Variants in C14orf132 observed in about 807,000 individuals in gnomAD.
C14orf132 encodes chromosome 14 open reading frame 132, also known as uncharacterized protein C14orf132.
In C14orf132, 6 loss-of-function variants were observed where a neutral mutation model predicts 5.8. The observed-to-expected ratio is 1.03, with a 90% CI of 0.57 to 2.04. The LOEUF is 2.04. Among genes scored for constraint, C14orf132 ranks in the 30% most tolerant of loss-of-function variants. C14orf132 has a pLI of 0.00. For missense variants in C14orf132, 125 were observed against 115.8 expected, an observed-to-expected ratio of 1.08 and a Z score of -0.37; for synonymous variants, 51 against 49.8, an observed-to-expected ratio of 1.02 and a Z score of -0.10.
intron 1 of C14orf132, among the ~76,000 whole-genome samples, chr14:96,079,048 G>A (rs1367916808): frequency 6.6e-6 from 1 of 152,192 alleles, no homozygotes; most frequent in Admixed American, 6.5e-5. Flanking sequence ...AGACCCAAAA[G>A]TGGAAAATGG....
chr14:96,042,742 C>A (rs896002181), intron 1 of C14orf132, among the ~76,000 whole-genome samples: 1 of 152,172 alleles, frequency 6.6e-6, no homozygotes, highest in Non-Finnish European at 1.5e-5. Context: ...AGGCTGCAGG[C>A]ACTGAGAGTG....
intron 1 of C14orf132, among the ~76,000 whole-genome samples, chr14:96,070,594 T>TCACACA (rs1360572735): frequency 9.1e-5 from 11 of 121,020 alleles, no homozygotes; most frequent in African/African-American, 2.6e-4. Flanking sequence ...TCTCTCTCTC[T>TCACACA]CTCACACACA....
chr14:96,080,818 C>G (rs980639288), intron 1 of C14orf132, among the ~76,000 whole-genome samples: 1 of 152,248 alleles, frequency 6.6e-6, no homozygotes, highest in South Asian at 2.1e-4. Flanking sequence ...TGCCCCGACA[C>G]TGCGGGGCAG....
At chr14:96,045,331 G>C (rs2139642017) in intron 1 of C14orf132, among the ~76,000 whole-genome samples, 1 of 152,346 alleles carries the variant, frequency 6.6e-6, no homozygotes, top group Middle Eastern at 3.4e-3. Context: ...GCAGACATAG[G>C]AGTGTGGGTG....
At chr14:96,067,125 G>T (rs1887555061) in intron 1 of C14orf132, among the ~76,000 whole-genome samples, 1 of 152,194 alleles carries the variant, frequency 6.6e-6, no homozygotes, top group African/African-American at 2.4e-5. Context: ...CCTTGCCCAG[G>T]TGCTGGGGTG....
In C14orf132 at chr14:96,039,785, G is replaced by A. The variant is rs1886636690; in HGVS notation, c.27+258G>A. On this transcript the variant is annotated intron_variant, in intron 1 of 1. Transcript: ENST00000555004. This position sits in a 1 kb window ranked among gnomAD's most constrained non-coding sequence, Gnocchi z 5.3. The stretch of plus-strand genomic sequence containing the variant: ...CCGCCCGGGCCCCTCTCGTTGGCAG[G>A]AAGGCTGCGAGGAGCCTGGGCAGCC... Among the ~76,000 whole-genome samples the A allele has an allele frequency of 6.6e-6, 1 of 152,214 alleles. No individual in the cohort carries two copies. Among genetic ancestry groups the A allele is most frequent in the African/African-American group, 2.4e-5 (1 of 41,464 alleles).
Position 96,090,287 on chromosome 14 carries a change from G to A in C14orf132, c.*3552G>A, listed in dbSNP as rs1888342571. 5.2e-6 allele frequency: 1 copy of A among 190,748 alleles called. No homozygotes were observed. The allele number at this position is 190,748 out of a possible 1,614,324, so 11.8% of individuals were successfully genotyped here. On this transcript the variant is annotated 3_prime_UTR_variant, in exon 2 of 2. Coordinates refer to ENST00000555004, the MANE Select transcript of C14orf132 (RefSeq NM_001252507.3). ...TGTGCCTGTAATCCCAGCTACTCAG[G>A]AGGCTGACACAGGAGAATTGCTTGA...
Position 96,088,245 on chromosome 14 carries a change from G to A in C14orf132, c.*1510G>A, listed in dbSNP as rs1342578132. On this transcript the variant is annotated 3_prime_UTR_variant, in exon 2 of 2. Coordinates refer to ENST00000555004, the MANE Select transcript of C14orf132 (RefSeq NM_001252507.3). ...GGCAAAGGGACATCTTAGTTGTCCAGAAGCGGCACTCTTCCCTGGAAGCCG... is the reference window on the plus strand; with the variant it reads ...GGCAAAGGGACATCTTAGTTGTCCAAAAGCGGCACTCTTCCCTGGAAGCCG... The A allele has an allele frequency of 6.6e-6, 1 of 152,184 alleles. No individual in the cohort carries two copies. Among genetic ancestry groups the A allele is most frequent in the Non-Finnish European group, 1.5e-5 (1 of 68,040 alleles). The allele number at this position is 152,184 out of a possible 1,614,324, so 9.4% of individuals were successfully genotyped here. A position where few individuals can be genotyped will look rare whatever the true frequency, so the allele number is the denominator to read the frequency against.
At chr14:96,069,199 A>G (rs1430557886) in intron 1 of C14orf132, among the ~76,000 whole-genome samples, 4 of 84,114 alleles carry the variant, frequency 4.8e-5, no homozygotes, top group South Asian at 4.0e-4. Flanking sequence ...ATATATGTAT[A>G]TATGTTATTG....
rs1261635307 is a variant in C14orf132, at chr14:96,086,582, C to T, written c.99C>T (p.Asn33=). The change falls in exon 2 of 2, where the codon AAC becomes AAT. Residue 33 remains asparagine, a synonymous_variant. Transcript: ENST00000555004. Reference sequence around the variant, plus strand: ...TCAGCACCGAGTACTCCCTGTTTAACTCCTCTGCCAATGTCCACGCGGCTG... The same window carrying T: ...TCAGCACCGAGTACTCCCTGTTTAATTCCTCTGCCAATGTCCACGCGGCTG... The part of the protein sequence containing the change: ...EDFSTEYSLF[N]SSANVHAAAN... 17 of 1,536,058 alleles carry T rather than the reference C, an allele frequency of 1.1e-5. No homozygotes were observed. The highest frequency in any genetic ancestry group is 1.0e-5 in the Non-Finnish European group (12 of 1,146,936).
chr14:96,046,319 A>T (rs1177095383), intron 1 of C14orf132, among the ~76,000 whole-genome samples: 2 of 152,182 alleles, frequency 1.3e-5, no homozygotes, highest in African/African-American at 4.8e-5. Context: ...AACCAAACAA[A>T]ACAGGTGTGT....
At chr14:96,082,517 C>G (rs1392721825) in intron 1 of C14orf132, among the ~76,000 whole-genome samples, 2 of 152,090 alleles carry the variant, frequency 1.3e-5, no homozygotes, top group Non-Finnish European at 1.5e-5. Flanking sequence ...AAAAAAATAT[C>G]AAAACAAAAT....
intron 1 of C14orf132, among the ~76,000 whole-genome samples, chr14:96,044,789 G>T (rs1225788157): frequency 6.6e-6 from 1 of 152,194 alleles, no homozygotes; most frequent in East Asian, 1.9e-4. Flanking sequence ...CTCCCAGTGT[G>T]TCTCTCTGAG....
chr14:96,062,885 T>G (rs1887404768), intron 1 of C14orf132, among the ~76,000 whole-genome samples: 1 of 152,072 alleles, frequency 6.6e-6, no homozygotes, highest in South Asian at 2.1e-4. Flanking sequence ...ACAGGTTACT[T>G]ATGGAGCATA....
rs142942151 is a variant in C14orf132, at chr14:96,088,357, G to C, written c.*1622G>C. 1 of 152,188 alleles carries C rather than the reference G, an allele frequency of 6.6e-6. No homozygotes were observed. The highest frequency in any genetic ancestry group is 1.5e-5 in the Non-Finnish European group (1 of 68,036). 9.4% of individuals were successfully genotyped at this position (152,188 alleles called of 1,614,324 possible). Reference sequence around the variant, plus strand: ...ACCGATCACATCTGTCACTGCCACCGTATATCATCTGCCAGTGCATCAGCT... The same window carrying C: ...ACCGATCACATCTGTCACTGCCACCCTATATCATCTGCCAGTGCATCAGCT... On this transcript the variant is annotated 3_prime_UTR_variant, in exon 2 of 2. Coordinates refer to ENST00000555004, the MANE Select transcript of C14orf132 (RefSeq NM_001252507.3).
chr14:96,059,437 C>A (rs1297166092), intron 1 of C14orf132, among the ~76,000 whole-genome samples: 6 of 152,324 alleles, frequency 3.9e-5, no homozygotes, highest in African/African-American at 1.4e-4. Flanking sequence ...CTGCTCTCAG[C>A]ACTTCTCATC....
intron 1 of C14orf132, among the ~76,000 whole-genome samples, chr14:96,072,054 T>A (rs888933745): frequency 6.6e-5 from 10 of 152,066 alleles, no homozygotes; most frequent in Non-Finnish European, 1.3e-4. Context: ...GCTCAAGAGA[T>A]CCTCCAAGTC....
chr14:96,075,978 C>G (rs1423602953), intron 1 of C14orf132, among the ~76,000 whole-genome samples: 1 of 152,130 alleles, frequency 6.6e-6, no homozygotes, highest in Non-Finnish European at 1.5e-5. Flanking sequence ...TTTTTTGGAA[C>G]AGAATGTCTA....
chr14:96,073,965 C>T (rs1053765466), intron 1 of C14orf132, among the ~76,000 whole-genome samples: 24 of 152,212 alleles, frequency 1.6e-4, no homozygotes, highest in Admixed American at 1.4e-3. Flanking sequence ...AATGTTATCA[C>T]TTACAAGTGG....
Sources: gnomAD v4.1 joint callset for allele counts (sites outside exome capture counted in the v4.1 genomes callset) on GRCh38, gnomAD v4.1.1 for gene constraint, Gnocchi (gnomAD v3.1) non-coding constraint, MANE v1.5 for transcripts, NCBI Gene and HGNC (gene_info 2026-07-23, HGNC 2026-07-21) for gene names.